The following SLC38A12 variants were observed in gnomAD, a reference collection of about 807,000 sequenced individuals.
The protein encoded by SLC38A12 is putative sodium-coupled neutral amino acid transporter 12.
At chr17:74,779,357 C>T in the SLC38A12 span, among the ~76,000 whole-genome samples, 2 of 152,038 alleles carry the variant, frequency 1.3e-5, no homozygotes, top group African/African-American at 4.8e-5. Flanking sequence ...TCTTTGTTGC[C>T]CAGAGGGCCA....
At chr17:74,835,852 G>C in the SLC38A12 span, 1 of 1,514,458 alleles carries the variant, frequency 6.6e-7, no homozygotes, top group Non-Finnish European at 8.8e-7. Context: ...CCCCGCAAAG[G>C]CGCCCCCCAG....
the SLC38A12 span, among the ~76,000 whole-genome samples, chr17:74,798,766 T>G: frequency 7.0e-6 from 1 of 142,148 alleles, no homozygotes; most frequent in Non-Finnish European, 1.6e-5. Context: ...CTCCTGCTCT[T>G]TTGAAAAATC....
chr17:74,821,090 A>G, the SLC38A12 span, among the ~76,000 whole-genome samples: 26 of 152,170 alleles, frequency 1.7e-4, no homozygotes, highest in Non-Finnish European at 3.5e-4. Context: ...AGAGCTCACG[A>G]CTGGATGAGG....
chr17:74,804,926 A>G, the SLC38A12 span, among the ~76,000 whole-genome samples: 1 of 152,224 alleles, frequency 6.6e-6, no homozygotes, highest in Non-Finnish European at 1.5e-5. Flanking sequence ...TTTCCCCTGG[A>G]TCAGGAAAGT....
chr17:74,785,770 C>A, the SLC38A12 span: 1 of 907,048 alleles, frequency 1.1e-6, no homozygotes, highest in Non-Finnish European at 1.6e-6. Flanking sequence ...AAAGTGGTCA[C>A]AGAGGCCTCC....
At chr17:74,815,255 G>T in the SLC38A12 span, among the ~76,000 whole-genome samples, 28 of 152,170 alleles carry the variant, frequency 1.8e-4, no homozygotes, top group Non-Finnish European at 2.9e-4. Context: ...AGGGGCTGCA[G>T]CTTGGGCAGT....
the SLC38A12 span, among the ~76,000 whole-genome samples, chr17:74,779,023 T>C: frequency 6.6e-6 from 1 of 152,210 alleles, no homozygotes; most frequent in African/African-American, 2.4e-5. Flanking sequence ...TCCCTCTCAT[T>C]TGTGGAATTA....
the SLC38A12 span, among the ~76,000 whole-genome samples, chr17:74,777,056 C>T: frequency 6.6e-6 from 1 of 152,220 alleles, no homozygotes; most frequent in Non-Finnish European, 1.5e-5. Flanking sequence ...CAGAGCAGTG[C>T]CCTGCACAGC....
the SLC38A12 span, chr17:74,836,731 A>C: frequency 2.0e-6 from 3 of 1,537,196 alleles, no homozygotes; most frequent in Non-Finnish European, 2.6e-6. This position sits in a 1 kb window ranked among gnomAD's most constrained non-coding sequence, Gnocchi z 4.2. Flanking sequence ...TAGGGGCCCC[A>C]GCCCCACCCC....
chr17:74,834,131 G>A, the SLC38A12 span, among the ~76,000 whole-genome samples: 8 of 152,170 alleles, frequency 5.3e-5, no homozygotes, highest in African/African-American at 1.7e-4. Flanking sequence ...CTACCCACCC[G>A]CAGAAATCTC....
At chr17:74,795,465 C>G in the SLC38A12 span, 1 of 1,507,176 alleles carries the variant, frequency 6.6e-7, no homozygotes, top group Non-Finnish European at 9.1e-7. Flanking sequence ...GCTTCTGTCT[C>G]CCCCAGCCCA....
At chr17:74,807,925 C>G in the SLC38A12 span, among the ~76,000 whole-genome samples, 794 of 152,360 alleles carry the variant, frequency 5.2e-3, 7 homozygotes, top group African/African-American at 0.018. Context: ...GTGCTAGATT[C>G]CGTGGTCCTC....
the SLC38A12 span, among the ~76,000 whole-genome samples, chr17:74,809,469 C>G: frequency 6.6e-6 from 1 of 152,278 alleles, no homozygotes; most frequent in Non-Finnish European, 1.5e-5. Flanking sequence ...GTCCAGCTCT[C>G]CCTGTCTTTC....
At chr17:74,811,432 C>T in the SLC38A12 span, among the ~76,000 whole-genome samples, 1 of 151,964 alleles carries the variant, frequency 6.6e-6, no homozygotes, top group African/African-American at 2.4e-5. Context: ...GTACTGGGGG[C>T]CAGGCTGGCC....
chr17:74,798,807 T>C, the SLC38A12 span, among the ~76,000 whole-genome samples: 2 of 146,910 alleles, frequency 1.4e-5, no homozygotes, highest in African/African-American at 4.9e-5. Flanking sequence ...CTCCAGCTCT[T>C]TCAAACGGGT....
At chr17:74,827,298 C>CTT in the SLC38A12 span, among the ~76,000 whole-genome samples, 116 of 140,408 alleles carry the variant, frequency 8.3e-4, no homozygotes, top group African/African-American at 2.8e-3. The surrounding 1 kb of genome is among the most constrained non-coding windows in gnomAD (Gnocchi z 4.7). Context: ...CAGTCATCTC[C>CTT]TTTTTTTTTT....
At chr17:74,835,666 C>T in the SLC38A12 span, among the ~76,000 whole-genome samples, 2 of 152,214 alleles carry the variant, frequency 1.3e-5, no homozygotes, top group African/African-American at 4.8e-5. Context: ...CACCCTGCCA[C>T]TGGCCCCACT....
At chr17:74,825,398 A>G in the SLC38A12 span, among the ~76,000 whole-genome samples, 1 of 152,224 alleles carries the variant, frequency 6.6e-6, no homozygotes, top group Non-Finnish European at 1.5e-5. Flanking sequence ...TCTTTTTGCA[A>G]ATGCACAGAG....
the SLC38A12 span, chr17:74,837,335 G>A: frequency 2.5e-5 from 25 of 985,422 alleles, no homozygotes; most frequent in Admixed American, 6.1e-5. Flanking sequence ...CGCTGTGGGC[G>A]CGAGCTCCGG....
Sources: gnomAD v4.1 joint callset for allele counts (sites outside exome capture counted in the v4.1 genomes callset) on GRCh38, gnomAD v4.1.1 for gene constraint, Gnocchi (gnomAD v3.1) non-coding constraint, MANE v1.5 for transcripts, NCBI Gene and HGNC (gene_info 2026-07-23, HGNC 2026-07-21) for gene names.